The following MCPH1 variants were observed in gnomAD, a reference collection of about 807,000 sequenced individuals.
MCPH1 encodes microcephalin 1, also known as microcephalin.
A neutral mutation model predicts 84.5 loss-of-function variants in MCPH1; 104 were observed. That is an observed-to-expected ratio of 1.23 (90% CI 1.05 to 1.45). The LOEUF (loss-of-function observed/expected upper bound fraction) is 1.45. MCPH1 is among the 40% of genes most tolerant of loss of function. MCPH1 has a pLI of 0.00. For synonymous variants in MCPH1, 514 were observed against 366.8 expected, an observed-to-expected ratio of 1.40 and a Z score of -4.58; for missense variants, 1,498 against 1,005.7, an observed-to-expected ratio of 1.49 and a Z score of -6.62.
intron 11 of MCPH1, among the ~76,000 whole-genome samples, chr8:6,491,454 C>T (rs992556316): frequency 2.0e-5 from 3 of 146,466 alleles, no homozygotes; most frequent in African/African-American, 7.6e-5. Flanking sequence ...TTGCTCAGAA[C>T]ATGTATTTTT....
intron 10 of MCPH1, among the ~76,000 whole-genome samples, chr8:6,479,773 G>A (rs886298461): frequency 6.6e-6 from 1 of 152,026 alleles, no homozygotes; most frequent in Admixed American, 6.6e-5. Flanking sequence ...AAGAACTGAG[G>A]GTTGTTTGGT....
At chr8:6,436,443 C>G (rs1802649829) in intron 5 of MCPH1, among the ~76,000 whole-genome samples, 2 of 152,066 alleles carry the variant, frequency 1.3e-5, no homozygotes, top group African/African-American at 4.8e-5. Context: ...CAAACTTTGG[C>G]TAATAAGCAT....
chr8:6,617,625 G>C (rs1054720880), intron 12 of MCPH1, among the ~76,000 whole-genome samples: 4 of 151,984 alleles, frequency 2.6e-5, no homozygotes, highest in African/African-American at 7.3e-5. Context: ...GCATGTGTGT[G>C]TGTGTGTAAA....
intron 11 of MCPH1, among the ~76,000 whole-genome samples, chr8:6,497,538 G>C (rs183227125): frequency 6.5e-4 from 99 of 152,114 alleles, no homozygotes; most frequent in Non-Finnish European, 1.5e-4. Context: ...GCTTAGGGAA[G>C]AGCTGCAACC....
chr8:6,461,801 G>A (rs1806327622), intron 9 of MCPH1, among the ~76,000 whole-genome samples: 1 of 152,172 alleles, frequency 6.6e-6, no homozygotes, highest in Non-Finnish European at 1.5e-5. Flanking sequence ...GTTACTTGTT[G>A]AATATTGTCA....
At chr8:6,601,423 G>A (rs552781628) in intron 12 of MCPH1, among the ~76,000 whole-genome samples, 5 of 151,760 alleles carry the variant, frequency 3.3e-5, no homozygotes, top group African/African-American at 4.8e-5. Context: ...CCCTAATACC[G>A]GCTGCCCGTA....
intron 12 of MCPH1, among the ~76,000 whole-genome samples, chr8:6,556,015 C>G (rs1824548500): frequency 6.6e-6 from 1 of 152,152 alleles, no homozygotes; most frequent in African/African-American, 2.4e-5. Context: ...GCTGTGGGGA[C>G]TTGGTATCTC....
rs76483883 is a variant in MCPH1, at chr8:6,547,517, A to C, written c.2214+47588A>C. On this transcript the variant is annotated intron_variant, in intron 12 of 13. Transcript: ENST00000344683. Reference sequence around the variant, plus strand: ...TTACTCAACAACTGGAAGGGGAAGAAGTTATTTCCAGAGATGTTTCTCTGT... The same window carrying C: ...TTACTCAACAACTGGAAGGGGAAGACGTTATTTCCAGAGATGTTTCTCTGT... Among the ~76,000 whole-genome samples, 1,111 of 152,314 alleles carry C rather than the reference A, an allele frequency of 7.3e-3. 35 individuals are homozygous for C. Among genetic ancestry groups the C allele is most frequent in the Admixed American group, 0.051 (778 of 15,304 alleles).
intron 6 of MCPH1, 102 bp downstream of exon 6, chr8:6,439,198 A>G (rs1186056847): frequency 5.0e-6 from 6 of 1,203,276 alleles, no homozygotes; most frequent in Middle Eastern, 2.4e-4. Context: ...GTTTCCTGGT[A>G]GTAACACATT....
At chr8:6,483,388 C>A (rs930471109) in intron 11 of MCPH1, among the ~76,000 whole-genome samples, 2 of 152,132 alleles carry the variant, frequency 1.3e-5, no homozygotes, top group Admixed American at 1.3e-4. Context: ...AAGGAAAGAA[C>A]AAGGAGGAGG....
At chr8:6,411,234 A>C (rs977982179) in intron 2 of MCPH1, among the ~76,000 whole-genome samples, 4 of 152,222 alleles carry the variant, frequency 2.6e-5, no homozygotes, top group Admixed American at 6.5e-5. Context: ...TGCTGCCCCA[A>C]GTTCCTGAAA....
intron 12 of MCPH1, among the ~76,000 whole-genome samples, chr8:6,591,263 C>T (rs1274391759): frequency 1.3e-5 from 2 of 152,262 alleles, no homozygotes; most frequent in Non-Finnish European, 2.9e-5. Flanking sequence ...AAATCACTGT[C>T]ATTGGCTACA....
intron 11 of MCPH1, among the ~76,000 whole-genome samples, chr8:6,498,768 C>A (rs1439170341): frequency 6.6e-6 from 1 of 152,014 alleles, no homozygotes; most frequent in African/African-American, 2.4e-5. Context: ...TTGTGGGGAG[C>A]CTCACATATT....
chr8:6,444,174 C>G (rs937865302), intron 7 of MCPH1, among the ~76,000 whole-genome samples: 1 of 152,064 alleles, frequency 6.6e-6, no homozygotes, highest in Non-Finnish European at 1.5e-5. Context: ...TTCTCTATCC[C>G]CACTGCTATC....
At chr8:6,432,633 T>C (rs1455997904) in intron 4 of MCPH1, among the ~76,000 whole-genome samples, 2 of 152,254 alleles carry the variant, frequency 1.3e-5, no homozygotes, top group Non-Finnish European at 2.9e-5. Context: ...TTTGATGACT[T>C]TCTCCAAACT....
At chr8:6,467,038 T>C (rs1166918438) in intron 9 of MCPH1, among the ~76,000 whole-genome samples, 3 of 152,186 alleles carry the variant, frequency 2.0e-5, no homozygotes, top group Non-Finnish European at 4.4e-5. Context: ...ACATTATTAT[T>C]CAGAAGGGGT....
chr8:6,509,494 C>T (rs931555674), intron 12 of MCPH1, among the ~76,000 whole-genome samples: 29 of 152,260 alleles, frequency 1.9e-4, no homozygotes, highest in African/African-American at 6.5e-4. Context: ...GAGAATGCAG[C>T]AGACAAGGAA....
intron 4 of MCPH1, among the ~76,000 whole-genome samples, chr8:6,433,844 C>CT (rs898535644): frequency 1.3e-5 from 2 of 151,854 alleles, no homozygotes; most frequent in Non-Finnish European, 2.9e-5. Context: ...CTTTTGGGTC[C>CT]TTGAGATGGT....
chr8:6,511,441 A>T (rs1448204688), intron 12 of MCPH1, among the ~76,000 whole-genome samples: 1 of 152,178 alleles, frequency 6.6e-6, no homozygotes, highest in Non-Finnish European at 1.5e-5. Flanking sequence ...GATTTAATGT[A>T]CGCATAGCTT....
Sources: allele counts gnomAD v4.1 joint callset (sites outside exome capture counted in the v4.1 genomes callset), GRCh38; gene constraint gnomAD v4.1.1; transcripts MANE v1.5; gene names NCBI Gene and HGNC (gene_info 2026-07-23, HGNC 2026-07-21).